Variants in SPMIP7 observed in about 807,000 individuals in gnomAD.
The protein encoded by SPMIP7 is protein SPMIP7.
chr7:50,109,066 C>A, the SPMIP7 span, among the ~76,000 whole-genome samples: 1 of 152,200 alleles, frequency 6.6e-6, no homozygotes, highest in East Asian at 1.9e-4. Flanking sequence ...ACTTTCATAC[C>A]AGTTGCTTTA....
the SPMIP7 span, among the ~76,000 whole-genome samples, chr7:50,126,764 A>C: frequency 1.3e-5 from 2 of 152,086 alleles, no homozygotes; most frequent in African/African-American, 4.8e-5. Context: ...ATGGAGTAAA[A>C]GAGAAAATTA....
At chr7:50,136,313 A>T in the SPMIP7 span, 1 of 621,652 alleles carries the variant, frequency 1.6e-6, no homozygotes, top group Non-Finnish European at 2.9e-6. Flanking sequence ...CCTGACTCAC[A>T]TCCTTAGGGC....
At chr7:50,135,145 G>A in the SPMIP7 span, among the ~76,000 whole-genome samples, 2 of 152,150 alleles carry the variant, frequency 1.3e-5, no homozygotes, top group Admixed American at 1.3e-4. Flanking sequence ...TTTATGCTAG[G>A]TGAATCTCAA....
the SPMIP7 span, among the ~76,000 whole-genome samples, chr7:50,135,136 T>C: frequency 6.6e-6 from 1 of 152,178 alleles, no homozygotes; most frequent in African/African-American, 2.4e-5. Context: ...CTCTCCCTAT[T>C]TATGCTAGGT....
chr7:50,156,440 T>A, the SPMIP7 span, among the ~76,000 whole-genome samples: 1 of 151,986 alleles, frequency 6.6e-6, no homozygotes. Context: ...GCTACTGTAC[T>A]CTCACTGCTT....
chr7:50,120,223 A>G, the SPMIP7 span: 1 of 152,230 alleles, frequency 6.6e-6, no homozygotes, highest in Non-Finnish European at 1.5e-5. Context: ...AGTGGAATGA[A>G]GATAAGTTAA....
At chr7:50,125,111 T>C in the SPMIP7 span, among the ~76,000 whole-genome samples, 26 of 29,136 alleles carry the variant, frequency 8.9e-4, 2 homozygotes, top group African/African-American at 4.1e-3. Context: ...TATATATATA[T>C]ATATACACAC....
the SPMIP7 span, chr7:50,141,365 G>C: frequency 3.9e-6 from 6 of 1,551,020 alleles, no homozygotes; most frequent in African/African-American, 6.8e-5. Flanking sequence ...GGTACTCTAA[G>C]CCTCTTTATA....
the SPMIP7 span, among the ~76,000 whole-genome samples, chr7:50,126,577 A>G: frequency 2.0e-5 from 3 of 152,018 alleles, no homozygotes; most frequent in Non-Finnish European, 4.4e-5. Context: ...AAGATTTTAC[A>G]AAAAATAGAG....
At chr7:50,135,988 G>A in the SPMIP7 span, 312 of 751,368 alleles carry the variant, frequency 4.2e-4, no homozygotes, top group African/African-American at 4.5e-3. Flanking sequence ...TTCCTAGGGA[G>A]CCTGGGGCAT....
the SPMIP7 span, chr7:50,158,936 C>T: frequency 1.4e-5 from 16 of 1,109,600 alleles, no homozygotes; most frequent in African/African-American, 3.2e-5. Context: ...GCCTGCAGTG[C>T]GCGCTCCCCT....
chr7:50,104,347 A>C, the SPMIP7 span: 1,720 of 1,541,752 alleles, frequency 1.1e-3, 2 homozygotes, highest in Admixed American at 1.9e-3. Flanking sequence ...ACTCCCTTAC[A>C]ACCTCATCAT....
the SPMIP7 span, among the ~76,000 whole-genome samples, chr7:50,139,664 C>G: frequency 6.6e-6 from 1 of 152,172 alleles, no homozygotes; most frequent in Non-Finnish European, 1.5e-5. Flanking sequence ...CAGAATTCTT[C>G]AGCATACTAT....
the SPMIP7 span, among the ~76,000 whole-genome samples, chr7:50,126,680 A>C: frequency 0.013 from 1,983 of 152,154 alleles, 48 homozygotes; most frequent in African/African-American, 0.045. Context: ...ATATATCCTA[A>C]TCAAGTAAAG....
the SPMIP7 span, chr7:50,141,326 G>A: frequency 1.3e-6 from 2 of 1,551,978 alleles, no homozygotes; most frequent in Non-Finnish European, 1.7e-6. Flanking sequence ...ACAACCCCTT[G>A]GGAGACATCG....
the SPMIP7 span, among the ~76,000 whole-genome samples, chr7:50,127,634 T>TATAC: frequency 3.4e-5 from 5 of 149,148 alleles, no homozygotes; most frequent in African/African-American, 1.2e-4. Flanking sequence ...TATATATATA[T>TATAC]ACTGATTAAA....
the SPMIP7 span, among the ~76,000 whole-genome samples, chr7:50,145,179 C>T: frequency 6.6e-6 from 1 of 151,652 alleles, no homozygotes; most frequent in African/African-American, 2.4e-5. Flanking sequence ...AGGAGAATCG[C>T]TTGAGCCTGG....
At chr7:50,146,028 AG>A in the SPMIP7 span, among the ~76,000 whole-genome samples, 7 of 152,158 alleles carry the variant, frequency 4.6e-5, no homozygotes, top group Non-Finnish European at 8.8e-5. Flanking sequence ...CCCATGGAAA[AG>A]GGGGCTTCCC....
chr7:50,107,841 C>T, the SPMIP7 span, among the ~76,000 whole-genome samples: 1 of 152,102 alleles, frequency 6.6e-6, no homozygotes, highest in Non-Finnish European at 1.5e-5. Flanking sequence ...GCAGTCTCAG[C>T]CCCAGCACCA....
Sources: gnomAD v4.1 joint callset for allele counts (sites outside exome capture counted in the v4.1 genomes callset) on GRCh38, gnomAD v4.1.1 for gene constraint, MANE v1.5 for transcripts, NCBI Gene and HGNC (gene_info 2026-07-23, HGNC 2026-07-21) for gene names.